The following PDHX variants were observed in gnomAD, a reference collection of about 807,000 sequenced individuals.
PDHX encodes the protein pyruvate dehydrogenase protein X component, mitochondrial.
Under a neutral mutation model 55.3 loss-of-function variants are expected in PDHX, and 33 were observed. The ratio of observed to expected loss-of-function variants is 0.60; its 90% CI spans 0.45 to 0.80. PDHX has a LOEUF of 0.80. Ranked by LOEUF, PDHX falls within the 30% of genes least tolerant of loss-of-function variation. PDHX has a pLI of 0.00. For synonymous variants in PDHX, 226 were observed against 219.4 expected, an observed-to-expected ratio of 1.03 and a Z score of -0.27; for missense variants, 622 against 619.9, an observed-to-expected ratio of 1.00 and a Z score of -0.04.
intron 2 of PDHX, among the ~76,000 whole-genome samples, chr11:34,935,405 T>C (rs1036247322): frequency 1.2e-4 from 19 of 152,190 alleles, no homozygotes; most frequent in African/African-American, 4.3e-4. Context: ...GAGGTGAGTA[T>C]GTTACAGTGC....
intron 1 of PDHX, among the ~76,000 whole-genome samples, chr11:34,930,330 C>T (rs917157206): frequency 1.1e-4 from 16 of 152,192 alleles, no homozygotes; most frequent in African/African-American, 3.9e-4. Context: ...TATCACGAAG[C>T]CATAGGAAAT....
intron 1 of PDHX, among the ~76,000 whole-genome samples, chr11:34,928,688 C>T (rs1854084399): frequency 1.3e-5 from 2 of 152,040 alleles, no homozygotes; most frequent in East Asian, 3.8e-4. Flanking sequence ...GCTTTATGCA[C>T]GTTTTAAGAA....
At chr11:34,954,536 A>G (rs1854860763) in intron 3 of PDHX, among the ~76,000 whole-genome samples, 3 of 152,184 alleles carry the variant, frequency 2.0e-5, no homozygotes, top group Admixed American at 1.3e-4. Context: ...CACAGACCTT[A>G]CTACCCATTA....
At chr11:34,934,934 A>T (rs200981965) in intron 2 of PDHX, among the ~76,000 whole-genome samples, 64,688 of 149,822 alleles carry the variant, frequency 0.43, 14,643 homozygotes, top group African/African-American at 0.52. Flanking sequence ...TTGATTATTA[A>T]AAAAAAAAAA....
intron 9 of PDHX, 144 bp downstream of exon 9, chr11:34,984,872 C>A: frequency 1.3e-6 from 1 of 784,368 alleles, no homozygotes; most frequent in Non-Finnish European, 2.2e-6. Flanking sequence ...GTGATTGTCA[C>A]ATATATATAG....
intron 9 of PDHX, among the ~76,000 whole-genome samples, chr11:34,986,907 T>C (rs756618194): frequency 6.6e-6 from 1 of 152,204 alleles, no homozygotes; most frequent in South Asian, 2.1e-4. Context: ...CTCTCTTCAC[T>C]CTTGTTCTTA....
At chr11:34,942,513 CAT>C (rs1232434664) in intron 2 of PDHX, among the ~76,000 whole-genome samples, 1 of 152,096 alleles carries the variant, frequency 6.6e-6, no homozygotes, top group Admixed American at 6.5e-5. Flanking sequence ...GAATCAAACT[CAT>C]ATTTGAATTA....
At chr11:34,939,732 C>T (rs750551114) in intron 2 of PDHX, among the ~76,000 whole-genome samples, 6 of 152,058 alleles carry the variant, frequency 3.9e-5, no homozygotes, top group Admixed American at 6.5e-5. Context: ...AGTATTATAG[C>T]ATATAAATTA....
intron 9 of PDHX, among the ~76,000 whole-genome samples, chr11:34,985,041 A>C (rs1855610544): frequency 6.6e-6 from 1 of 152,248 alleles, no homozygotes. Context: ...TATATCAGGT[A>C]GGTTTTAAAG....
At chr11:34,987,197 C>T (rs1355701396) in intron 9 of PDHX, among the ~76,000 whole-genome samples, 1 of 152,118 alleles carries the variant, frequency 6.6e-6, no homozygotes, top group Non-Finnish European at 1.5e-5. Flanking sequence ...TTCTTTACCT[C>T]CCCTTTGTCT....
At chr11:34,981,169 G>T (rs1168738843) in intron 8 of PDHX, among the ~76,000 whole-genome samples, 1 of 151,830 alleles carries the variant, frequency 6.6e-6, no homozygotes, top group Non-Finnish European at 1.5e-5. Context: ...CCCACAACAG[G>T]CCCGGGTGTG....
At chr11:34,991,598 T>C (rs1855758813) in intron 9 of PDHX, among the ~76,000 whole-genome samples, 1 of 152,018 alleles carries the variant, frequency 6.6e-6, no homozygotes, top group African/African-American at 2.4e-5. Flanking sequence ...TTGGTTGCCA[T>C]TGGATAATTT....
Position 34,970,251 on chromosome 11 carries a change from G to A in PDHX, c.929G>A (p.Gly310Glu), listed in dbSNP as rs533564681. The part of the protein sequence containing the change: ...HAYATADCDL[G>E]AVLKVRQDLV... ...TATGCTACTGCTGACTGTGACCTTG[G>A]AGCTGTTTTAAAAGTTAGGCAAGAT... Residue 310 changes from glycine to glutamate, a missense_variant, in exon 7 of 11, where the codon GGA becomes GAA. Transcript: ENST00000227868. 1.2e-6 allele frequency: 2 copies of A among 1,613,800 alleles called. No individual in the cohort carries two copies. Among genetic ancestry groups the A allele is most frequent in the South Asian group, 2.2e-5 (2 of 91,062 alleles).
At chr11:34,990,306 G>A (rs1855730797) in intron 9 of PDHX, among the ~76,000 whole-genome samples, 1 of 152,072 alleles carries the variant, frequency 6.6e-6, no homozygotes. Context: ...GATGCTTCAG[G>A]TAACATGTAC....
At chr11:34,923,086 C>T (rs541283237) in intron 1 of PDHX, among the ~76,000 whole-genome samples, 2 of 152,274 alleles carry the variant, frequency 1.3e-5, no homozygotes, top group African/African-American at 2.4e-5. Flanking sequence ...ATGCATTCTA[C>T]ACCATATGCT....
chr11:34,938,569 G>T (rs1381899734), intron 2 of PDHX, among the ~76,000 whole-genome samples: 1 of 152,088 alleles, frequency 6.6e-6, no homozygotes, highest in Admixed American at 6.5e-5. Flanking sequence ...ACAGGGTGTT[G>T]GTGTCATTAA....
At chr11:34,945,277 C>T (rs1263460810) in intron 2 of PDHX, among the ~76,000 whole-genome samples, 1 of 152,034 alleles carries the variant, frequency 6.6e-6, no homozygotes, top group Non-Finnish European at 1.5e-5. Context: ...TTTTTAAACC[C>T]TCAAACATTA....
intron 8 of PDHX, among the ~76,000 whole-genome samples, chr11:34,981,897 A>G (rs1017543729): frequency 6.6e-6 from 1 of 152,150 alleles, no homozygotes; most frequent in Admixed American, 6.5e-5. Flanking sequence ...GATTCTGGAT[A>G]TTAGCCCTTT....
In PDHX at chr11:34,955,793, A is replaced by T. The variant is rs1207281007; in HGVS notation, c.343-1591A>T. On this transcript the variant is annotated intron_variant, in intron 3 of 10. Coordinates refer to ENST00000227868, the MANE Select transcript of PDHX (RefSeq NM_003477.3). Reference sequence around the variant, plus strand: ...TGACTCAGATTTTAGAAATCTATTGATATTTTTAAAGCAAAACTTTTTTTA... The same window carrying T: ...TGACTCAGATTTTAGAAATCTATTGTTATTTTTAAAGCAAAACTTTTTTTA... Among the ~76,000 whole-genome samples the T allele has an allele frequency of 4.1e-5, 5 of 122,078 alleles. No individual in the cohort carries two copies. The East Asian group carries it at 1.4e-3, about 33-fold the overall frequency. The allele number at this position is 122,078 out of a possible 152,430, so 80.1% of individuals were successfully genotyped here. A position where few individuals can be genotyped will look rare whatever the true frequency, so the allele number is the denominator to read the frequency against.
Sources: allele counts gnomAD v4.1 joint callset (sites outside exome capture counted in the v4.1 genomes callset), GRCh38; gene constraint gnomAD v4.1.1; transcripts MANE v1.5; gene names NCBI Gene and HGNC (gene_info 2026-07-23, HGNC 2026-07-21).